LMO7: variants seen among roughly 807,000 people sequenced by gnomAD.
LMO7 encodes the protein LIM domain 7, also known as LIM domain only protein 7.
In LMO7, 120 loss-of-function variants were observed where a neutral mutation model predicts 206.5. The ratio of observed to expected loss-of-function variants is 0.58; its 90% CI spans 0.50 to 0.68. The LOEUF (loss-of-function observed/expected upper bound fraction) is 0.68, where lower values mean the gene tolerates loss of function less well. Among genes scored for constraint, LMO7 ranks in the 30% least tolerant of loss-of-function variants. The pLI, the probability that LMO7 is intolerant of heterozygous loss-of-function variation, is 0.00. For synonymous variants in LMO7, 706 were observed against 681.5 expected (o/e 1.04, Z -0.56); for missense variants, 1,959 against 1,957.9 (o/e 1.00, Z -0.01).
At position 75,800,875 on chromosome 13, in the gene LMO7, G is replaced by C. The variant is rs759431928; in HGVS notation, c.654G>C (p.Gly218=). The change falls in exon 7 of 31, where the codon GGG becomes GGC. Residue 218 remains glycine, a synonymous_variant. Coordinates refer to ENST00000377534, the MANE Select transcript of LMO7 (RefSeq NM_001306080.2). ...CCTCTGATATCACGTTGAGAGGGGG[G>C]CGTGAAGGTGTGTTGTGTTTTGGCT... ...SCSSDITLRG[G]REGFESDTDS... 6.2e-7 allele frequency: 1 copy of C among 1,613,654 alleles called. No homozygotes were observed. Among genetic ancestry groups the C allele is most frequent in the South Asian group, 1.1e-5 (1 of 91,066 alleles).
intron 2 of LMO7, among the ~76,000 whole-genome samples, chr13:75,715,756 A>G (rs1244107701): frequency 6.6e-6 from 1 of 152,216 alleles, no homozygotes; most frequent in East Asian, 1.9e-4. Flanking sequence ...CCTGTAACTG[A>G]GGAAAGCCTG....
chr13:75,836,355 C>T (rs1207033290), intron 18 of LMO7, 42 bp from the exon 19 acceptor site: 2 of 1,109,762 alleles, frequency 1.8e-6, no homozygotes, highest in Non-Finnish European at 2.6e-6. Context: ...AGGCCAAAGT[C>T]CAACTGGAGA....
intron 9 of LMO7, chr13:75,806,192 C>T (rs1446420408): frequency 1.0e-6 from 1 of 992,758 alleles, no homozygotes; most frequent in East Asian, 1.1e-4. Flanking sequence ...GAATTAGCTA[C>T]CAAACGGGCT....
intron 1 of LMO7, among the ~76,000 whole-genome samples, chr13:75,687,864 AC>A (rs1192807789): frequency 1.3e-5 from 2 of 152,172 alleles, no homozygotes; most frequent in Admixed American, 6.5e-5. Context: ...CTGTGTCCCT[AC>A]CCAAATCTCA....
intron 26 of LMO7, among the ~76,000 whole-genome samples, chr13:75,846,902 G>A (rs2060037766): frequency 1.3e-5 from 2 of 151,978 alleles, no homozygotes; most frequent in Admixed American, 1.3e-4. Flanking sequence ...GTGGTGGCAT[G>A]TGCCTGTAAT....
chr13:75,695,864 C>G (rs2041859238), intron 1 of LMO7, among the ~76,000 whole-genome samples: 1 of 152,160 alleles, frequency 6.6e-6, no homozygotes, highest in Non-Finnish European at 1.5e-5. Context: ...TTTTCACCAA[C>G]TATTACTTGA....
At chr13:75,707,619 A>G (rs1208333510) in intron 1 of LMO7, among the ~76,000 whole-genome samples, 45 of 152,114 alleles carry the variant, frequency 3.0e-4, no homozygotes, top group Admixed American at 2.8e-3. Flanking sequence ...GATACATACC[A>G]CAAATTACCT....
At chr13:75,669,985 G>A (rs1413650812) in intron 1 of LMO7, among the ~76,000 whole-genome samples, 1 of 152,146 alleles carries the variant, frequency 6.6e-6, no homozygotes, top group East Asian at 1.9e-4. Flanking sequence ...TGCTTATTCT[G>A]AGGTCCCTGG....
chr13:75,782,288 AGTAGGTGTTTCATTTTCT>A (rs2051616113), intron 4 of LMO7, among the ~76,000 whole-genome samples: 4 of 152,198 alleles, frequency 2.6e-5, no homozygotes, highest in African/African-American at 9.6e-5. Context: ...GAGAATTAGG[AGTAGGTGTTTCATTTTCT>A]TCAGCCAAAT....
intron 2 of LMO7, among the ~76,000 whole-genome samples, chr13:75,723,989 C>A (rs1026037065): frequency 2.6e-5 from 4 of 152,068 alleles, no homozygotes; most frequent in African/African-American, 4.8e-5. Context: ...GTGGAAGGGG[C>A]AAGGCAGCTT....
At chr13:75,732,808 A>G (rs2045385105) in intron 3 of LMO7, among the ~76,000 whole-genome samples, 2 of 151,936 alleles carry the variant, frequency 1.3e-5, no homozygotes, top group Non-Finnish European at 2.9e-5. Flanking sequence ...TTTGGTGTGG[A>G]TGTCCTTTCT....
At position 75,727,083 on chromosome 13, in the gene LMO7, A is replaced by T; in HGVS notation, c.195A>T (p.Thr65=). 6.3e-7 allele frequency: 1 copy of T among 1,584,052 alleles called. No homozygotes were observed. The change falls in exon 3 of 31, where the codon ACA becomes ACT. Residue 65 remains threonine, a synonymous_variant. Transcript: ENST00000377534. The part of the protein sequence containing the change: ...GVIKKINRLS[T]PIAGLDNINV... ...TTAAGAAGATCAATAGACTGTCTAC[A>T]CCAATAGCAGGATTGGTAAGTAGTA...
Position 75,727,113 on chromosome 13 carries a change from A to G in LMO7, c.210+15A>G, listed in dbSNP as rs760859535. Reference sequence around the variant, plus strand: ...TAGCAGGATTGGTAAGTAGTAAATTATCTTCACAACTAAATTTATTTGTCT... The same window carrying G: ...TAGCAGGATTGGTAAGTAGTAAATTGTCTTCACAACTAAATTTATTTGTCT... On this transcript the variant is annotated intron_variant, in intron 3 of 30. Transcript: ENST00000377534. 14 of 1,476,920 alleles carry G rather than the reference A, an allele frequency of 9.5e-6. No individual in the cohort carries two copies. Among genetic ancestry groups the G allele is most frequent in the East Asian group, 2.3e-5 (1 of 43,816 alleles). 91.5% of individuals were successfully genotyped at this position (1,476,920 alleles called of 1,614,324 possible). A position where few individuals can be genotyped will look rare whatever the true frequency, so the allele number is the denominator to read the frequency against.
chr13:75,702,332 C>G (rs1441921067), intron 1 of LMO7, among the ~76,000 whole-genome samples: 4 of 152,090 alleles, frequency 2.6e-5, no homozygotes, highest in Admixed American at 2.6e-4. Context: ...CCCAGCCACT[C>G]TGAGATGAAA....
intron 4 of LMO7, among the ~76,000 whole-genome samples, chr13:75,781,937 G>A (rs2051526831): frequency 6.6e-6 from 1 of 152,174 alleles, no homozygotes; most frequent in Non-Finnish European, 1.5e-5. Flanking sequence ...TTTGAGAAGT[G>A]TCTGTTCATA....
At chr13:75,693,137 CT>C (rs1258869287) in intron 1 of LMO7, among the ~76,000 whole-genome samples, 1 of 152,098 alleles carries the variant, frequency 6.6e-6, no homozygotes. Context: ...ATTATCTGGC[CT>C]TTTTTTGGTA....
chr13:75,647,621 T>C (rs73225909), intron 1 of LMO7, among the ~76,000 whole-genome samples: 34,702 of 152,024 alleles, frequency 0.23, 4,286 homozygotes, highest in Middle Eastern at 0.29. Context: ...TTGAGTTGTG[T>C]CCTGCAGTTT....
At chr13:75,763,662 CTTG>C (rs1400729261) in intron 4 of LMO7, among the ~76,000 whole-genome samples, 4 of 152,132 alleles carry the variant, frequency 2.6e-5, no homozygotes, top group Admixed American at 6.6e-5. Context: ...GGTGCATAGA[CTTG>C]TTGTTGGCCT....
intron 6 of LMO7, among the ~76,000 whole-genome samples, chr13:75,800,012 A>G (rs2054531669): frequency 6.6e-6 from 1 of 152,252 alleles, no homozygotes; most frequent in Admixed American, 6.5e-5. Context: ...TCCATAGAAA[A>G]TAAGTTATAT....
Sources: allele counts gnomAD v4.1 joint callset (sites outside exome capture counted in the v4.1 genomes callset), GRCh38; gene constraint gnomAD v4.1.1; transcripts MANE v1.5; gene names NCBI Gene and HGNC (gene_info 2026-07-23, HGNC 2026-07-21).